Variants in PAK3 observed in about 807,000 individuals in gnomAD.
PAK3 encodes the protein serine/threonine-protein kinase PAK 3.
A neutral mutation model predicts 41.0 loss-of-function variants in PAK3; 4 were observed. The ratio of observed to expected loss-of-function variants is 0.10; its 90% CI spans 0.05 to 0.22. The LOEUF (loss-of-function observed/expected upper bound fraction) is 0.22, where lower values mean the gene tolerates loss of function less well. Among genes scored for constraint, PAK3 ranks in the 10% least tolerant of loss-of-function variants. The pLI is 1.00. For missense variants in PAK3, 205 were observed against 409.9 expected, an observed-to-expected ratio of 0.50 and a Z score of 4.32; for synonymous variants, 146 against 139.6, an observed-to-expected ratio of 1.05 and a Z score of -0.32.
At chrX:110,956,530 G>A (rs750308946) in intron 1 of PAK3, among the ~76,000 whole-genome samples, 61 of 111,534 alleles carry the variant, frequency 5.5e-4, no homozygotes, top group African/African-American at 2.0e-3. Context: ...TTGCATAGGG[G>A]AGGCCCCAAG....
At position 110,983,512 on chromosome X, in the gene PAK3, ATG is replaced by A. The variant is rs776616423; in HGVS notation, c.-28+38892_-28+38893del. ...AGAGAGGATGTGTGTGTTTGTGTGCATGTGTGTGTATGTCTGCGTGTGTGTGT... is the reference window on the plus strand; with the variant it reads ...AGAGAGGATGTGTGTGTTTGTGTGCATGTGTGTATGTCTGCGTGTGTGTGT... On this transcript the variant is annotated intron_variant, in intron 1 of 14. Transcript: ENST00000425146. 2.6e-3 allele frequency among the ~76,000 whole-genome samples: 117 copies of A among 44,867 alleles called. 2 individuals carry two copies. The East Asian group carries it at 0.056, about 21-fold the overall frequency. 39.0% of individuals were successfully genotyped at this position (44,867 alleles called of 115,157 possible).
In PAK3 at chrX:110,955,008, C is replaced by T. The variant is rs1181381336; in HGVS notation, c.-28+10380C>T. ...ATAACATGAATAACAGTGTCATTGG[C>T]TGGGATTATTGGGTTTCCAGCTCAC... On this transcript the variant is annotated intron_variant, in intron 1 of 14. Coordinates refer to the PAK3 transcript ENST00000425146. Among the ~76,000 whole-genome samples, 5 of 111,289 alleles carry T rather than the reference C, an allele frequency of 4.5e-5. No homozygotes were observed. In the East Asian group the frequency reaches 8.5e-4, roughly 19 times the overall value.
chrX:111,112,862 G>A (rs1180698125), intron 4 of PAK3, among the ~76,000 whole-genome samples: 2 of 111,304 alleles, frequency 1.8e-5, no homozygotes, highest in Non-Finnish European at 3.8e-5. Flanking sequence ...TTCTTTTTCC[G>A]AGTGTTATGT....
At chrX:111,013,643 C>A (rs989481652) in intron 1 of PAK3, among the ~76,000 whole-genome samples, 2 of 111,102 alleles carry the variant, frequency 1.8e-5, no homozygotes, top group Admixed American at 1.9e-4. Context: ...ATAGTACAGG[C>A]GTATAAGAAC....
intron 16 of PAK3, among the ~76,000 whole-genome samples, chrX:111,204,863 T>A (rs751793236): frequency 9.5e-6 from 1 of 105,580 alleles, no homozygotes; most frequent in Non-Finnish European, 1.9e-5. Flanking sequence ...TTTCTTTTCT[T>A]CTTTCCTTTG....
At chrX:111,162,767 C>T (rs1231494260) in intron 8 of PAK3, 148 bp from the exon 9 acceptor site, 2 of 568,893 alleles carry the variant, frequency 3.5e-6, no homozygotes, top group African/African-American at 2.3e-5. Context: ...GTCCTGGCCA[C>T]CAAATTGTTG....
intron 4 of PAK3, among the ~76,000 whole-genome samples, chrX:111,103,926 CT>C (rs1205056551): frequency 9.0e-6 from 1 of 111,669 alleles, no homozygotes; most frequent in Non-Finnish European, 1.9e-5. Context: ...GCCCTACTGC[CT>C]TAAATAAGTC....
At chrX:111,050,069 T>C (rs778119528) in intron 1 of PAK3, among the ~76,000 whole-genome samples, 4 of 111,830 alleles carry the variant, frequency 3.6e-5, no homozygotes, top group Non-Finnish European at 7.5e-5. Flanking sequence ...AATCTTTATT[T>C]CAAGGGATCT....
chrX:111,038,840 C>A (rs1404008616), intron 1 of PAK3, among the ~76,000 whole-genome samples: 1 of 111,903 alleles, frequency 8.9e-6, no homozygotes, highest in Non-Finnish European at 1.9e-5. Flanking sequence ...TTTTAAATAA[C>A]AAAATAGATA....
chrX:111,136,289 C>T (rs1362310843), intron 5 of PAK3, among the ~76,000 whole-genome samples: 2 of 111,569 alleles, frequency 1.8e-5, no homozygotes, highest in Non-Finnish European at 3.8e-5. Context: ...ATTAATGACC[C>T]AGCTATCATA....
intron 1 of PAK3, among the ~76,000 whole-genome samples, chrX:111,070,687 T>C (rs2092736823): frequency 8.9e-6 from 1 of 112,232 alleles, no homozygotes; most frequent in South Asian, 3.7e-4. Context: ...TTCCCTTCTT[T>C]CAGCTGAGAA....
intron 5 of PAK3, among the ~76,000 whole-genome samples, chrX:111,139,550 C>A (rs2093842590): frequency 8.9e-6 from 1 of 112,013 alleles, no homozygotes; most frequent in Non-Finnish European, 1.9e-5. Flanking sequence ...TTAGTGGTAT[C>A]ATTTCACTGT....
rs185234421 is a variant in PAK3, at chrX:111,027,738, C to T, written c.-28+83110C>T. Among the ~76,000 whole-genome samples the T allele has an allele frequency of 2.6e-3, 288 of 110,738 alleles. 2 individuals carry two copies. Among genetic ancestry groups the T allele is most frequent in the Non-Finnish European group, 4.4e-3 (235 of 52,937 alleles). On this transcript the variant is annotated intron_variant, in intron 1 of 14. Coordinates refer to the PAK3 transcript ENST00000425146. ...TTGGTGGGAATGTGAACTAGTACAA[C>T]CACTGTGGAAAACAGTGTGAAGATT... is the stretch of plus-strand genomic sequence containing the variant.
rs1322767220 is a variant in PAK3 at position 111,194,361 on chromosome X, T to C, written c.1053T>C (p.Thr351=). The C allele has an allele frequency of 8.4e-7, 1 of 1,187,838 alleles. No individual in the cohort carries two copies. The highest frequency in any genetic ancestry group is 1.8e-5 in the African/African-American group (1 of 56,576). ...AATACTTGGCTGGTGGCTCTCTGAC[T>C]GATGTGGTCACAGAGACCTGTATGG... is the stretch of plus-strand genomic sequence containing the variant. The part of the protein sequence containing the change: ...VMEYLAGGSL[T]DVVTETCMDE... Residue 351 remains threonine (T), a synonymous_variant, in exon 14 of 18, where the codon ACT becomes ACC. Transcript: ENST00000372007.
intron 1 of PAK3, among the ~76,000 whole-genome samples, chrX:111,051,127 C>T (rs2092553412): frequency 9.0e-6 from 1 of 110,964 alleles, no homozygotes; most frequent in East Asian, 2.9e-4. Flanking sequence ...ATATTCTGAA[C>T]AAGACAGAAC....
intron 6 of PAK3, among the ~76,000 whole-genome samples, chrX:111,142,960 T>A (rs12556286): frequency 5.4e-4 from 59 of 109,672 alleles, no homozygotes; most frequent in Middle Eastern, 4.7e-3. Flanking sequence ...TTTTCTTTTT[T>A]AAAAAAAAAG....
intron 1 of PAK3, among the ~76,000 whole-genome samples, chrX:110,991,703 C>T (rs1298744747): frequency 8.9e-6 from 1 of 112,110 alleles, no homozygotes; most frequent in African/African-American, 3.2e-5. Flanking sequence ...AATCTTACTA[C>T]TAAGACACAT....
chrX:111,182,727 G>A (rs1052380735), intron 11 of PAK3, among the ~76,000 whole-genome samples: 2 of 110,738 alleles, frequency 1.8e-5, no homozygotes, highest in Admixed American at 9.7e-5. Flanking sequence ...TTTATGTCAG[G>A]TGCGTTAGTA....
chrX:111,198,174 GTTGT>G (rs2094636548), intron 16 of PAK3, among the ~76,000 whole-genome samples: 1 of 111,900 alleles, frequency 8.9e-6, no homozygotes, highest in Non-Finnish European at 1.9e-5. Flanking sequence ...TTTTAATGGG[GTTGT>G]TTGATTTTTG....
Sources: allele counts gnomAD v4.1 joint callset (sites outside exome capture counted in the v4.1 genomes callset), GRCh38; gene constraint gnomAD v4.1.1; transcripts MANE v1.5; gene names NCBI Gene and HGNC (gene_info 2026-07-23, HGNC 2026-07-21).